Variants in PFKP observed in about 807,000 individuals in gnomAD.
The protein encoded by PFKP is phosphofructokinase, platelet.
Under a neutral mutation model 94.3 loss-of-function variants are expected in PFKP, and 101 were observed. The observed-to-expected ratio is 1.07, with a 90% confidence interval of 0.91 to 1.26. The LOEUF (loss-of-function observed/expected upper bound fraction) is 1.26. Among genes scored for constraint, PFKP ranks in the 50% most tolerant of loss-of-function variants. The pLI is 0.00. For synonymous variants in PFKP, 573 were observed against 432.6 expected, an observed-to-expected ratio of 1.32 and a Z score of -4.03; for missense variants, 1,145 against 1,103.3, an observed-to-expected ratio of 1.04 and a Z score of -0.53.
intron 2 of PFKP, among the ~76,000 whole-genome samples, chr10:3,082,872 C>CAGCT (rs1358383426): frequency 1.3e-5 from 2 of 152,164 alleles, no homozygotes; most frequent in African/African-American, 4.8e-5. Context: ...CCACCACACC[C>CAGCT]AGCTAATTTT....
chr10:3,111,775 C>T (rs1043365579), intron 10 of PFKP, among the ~76,000 whole-genome samples: 1 of 152,140 alleles, frequency 6.6e-6, no homozygotes, highest in South Asian at 2.1e-4. Context: ...TCTGCTCCCC[C>T]GCCCGCTGTG....
Position 3,099,331 on chromosome 10 carries a change from T to C in PFKP, c.243T>C (p.Ser81=), listed in dbSNP as rs746887639. The change falls in exon 3 of 22, where the codon AGT becomes AGC. Residue 81 remains serine, a synonymous_variant. Coordinates refer to ENST00000381125, the MANE Select transcript of PFKP (RefSeq NM_002627.5). ...GSNIAEADWE[S]VSSILQVGGT... is the part of the protein sequence containing the mutation. ...ACATCGCAGAGGCCGACTGGGAGAG[T>C]GTCTCCAGCATCCTGCAAGTGGTAG... The C allele has an allele frequency of 4.3e-6, 7 of 1,613,828 alleles. No homozygotes were observed. The highest frequency in any genetic ancestry group is 1.7e-5 in the Admixed American group (1 of 59,994).
chr10:3,112,341 C>T (rs1053171975), intron 11 of PFKP, 55 bp downstream of exon 11: 14 of 1,342,084 alleles, frequency 1.0e-5, no homozygotes, highest in South Asian at 3.5e-5. Flanking sequence ...CCCTCAGGCC[C>T]AGCCACTGCA....
chr10:3,069,207 C>T (rs535545849), intron 1 of PFKP: 2 of 1,296,518 alleles, frequency 1.5e-6, no homozygotes, highest in South Asian at 2.4e-5. Context: ...CCCTGCAGCG[C>T]CCCCGGGAAG....
At chr10:3,120,369 CTGTGTGTG>C (rs3841457) in intron 16 of PFKP, among the ~76,000 whole-genome samples, 15 of 108,584 alleles carry the variant, frequency 1.4e-4, no homozygotes, top group Admixed American at 4.1e-4. Flanking sequence ...TTAAAAATCG[CTGTGTGTG>C]TGTGTGTGTG....
At chr10:3,135,893 G>A in intron 21 of PFKP, 55 bp downstream of exon 21, 1 of 1,023,432 alleles carries the variant, frequency 9.8e-7, no homozygotes, top group South Asian at 1.3e-5. Flanking sequence ...TACGGGACAG[G>A]GGAATGGCCA....
chr10:3,117,480 T>A (rs1038500899), intron 14 of PFKP, among the ~76,000 whole-genome samples: 2 of 152,180 alleles, frequency 1.3e-5, no homozygotes, highest in Non-Finnish European at 2.9e-5. Context: ...GGAAGGTAGT[T>A]TTTGGCAAAT....
At chr10:3,116,911 G>A in intron 14 of PFKP, 65 bp downstream of exon 14, 3 of 1,274,484 alleles carry the variant, frequency 2.4e-6, no homozygotes, top group Non-Finnish European at 3.4e-6. Flanking sequence ...TGTTCTGGGA[G>A]AGAATCGCTG....
rs752701796 is a variant in PFKP at position 3,082,410 on chromosome 10, C to T, written c.135C>T (p.Ala45=). ...CAGGTATGAACGCTGCCGTCCGTGCCGTGGTGCGCATGGGTATCTACGTGG... is the reference window on the plus strand; with the variant it reads ...CAGGTATGAACGCTGCCGTCCGTGCTGTGGTGCGCATGGGTATCTACGTGG... ...DAQGMNAAVR[A]VVRMGIYVGA... The change falls in exon 2 of 22, where the codon GCC becomes GCT. Residue 45 remains alanine, a synonymous_variant. Coordinates refer to ENST00000381125, the MANE Select transcript of PFKP (RefSeq NM_002627.5). 2.1e-5 allele frequency: 33 copies of T among 1,606,662 alleles called. No individual in the cohort carries two copies. Among genetic ancestry groups the T allele is most frequent in the Non-Finnish European group, 2.3e-5 (27 of 1,175,254 alleles).
chr10:3,101,677 T>A lies in PFKP; in HGVS notation c.454+123T>A, dbSNP rs76842051. ...TTCTCACAGATCTTACAGGTCACCA[T>A]CTCAGGACTTTTTAGGATCTCAAAA... is the stretch of plus-strand genomic sequence containing the variant. On this transcript the variant is annotated intron_variant, in intron 4 of 21. Coordinates refer to ENST00000381125, the MANE Select transcript of PFKP (RefSeq NM_002627.5). 5.7e-3 allele frequency: 3,716 copies of A among 648,912 alleles called. 37 individuals carry two copies. Among genetic ancestry groups the A allele is most frequent in the Middle Eastern group, 0.021 (48 of 2,278 alleles). The allele number at this position is 648,912 out of a possible 1,614,324, so 40.2% of individuals were successfully genotyped here. A position where few individuals can be genotyped will look rare whatever the true frequency, so the allele number is the denominator to read the frequency against.
intron 2 of PFKP, among the ~76,000 whole-genome samples, chr10:3,088,666 A>T (rs1833816643): frequency 6.6e-6 from 1 of 152,202 alleles, no homozygotes; most frequent in Non-Finnish European, 1.5e-5. Context: ...TTATGGATAC[A>T]TAATAGTTGT....
chr10:3,110,651 C>A (rs965337752), intron 10 of PFKP, among the ~76,000 whole-genome samples: 4 of 151,890 alleles, frequency 2.6e-5, no homozygotes, highest in Admixed American at 1.3e-4. Context: ...TTCCAAAAGC[C>A]CAAGGGAGAA....
intron 20 of PFKP, 55 bp from the exon 21 acceptor site, chr10:3,135,681 C>T (rs1384176209): frequency 2.0e-5 from 21 of 1,069,520 alleles, no homozygotes; most frequent in Non-Finnish European, 3.0e-5. Flanking sequence ...GATTCTGCTC[C>T]CCCACCTGCC....
chr10:3,100,811 T>C lies in PFKP; in HGVS notation c.265-554T>C, dbSNP rs1588461670. ...TCCCCTGGAAGTTTGGATGAAAGAA[T>C]TTAAGATCCTGAAGATATAGCTCTT... On this transcript the variant is annotated intron_variant, in intron 3 of 21. Transcript: ENST00000381125. 40 of 613,528 alleles carry C rather than the reference T, an allele frequency of 6.5e-5. No homozygotes were observed. The East Asian group carries it at 1.1e-3, about 16-fold the overall frequency. 38.0% of individuals were successfully genotyped at this position (613,528 alleles called of 1,614,324 possible).
intron 13 of PFKP, 45 bp downstream of exon 13, chr10:3,113,563 G>T (rs745660262): frequency 8.2e-6 from 13 of 1,579,878 alleles, no homozygotes; most frequent in Non-Finnish European, 1.0e-5. Context: ...CCCTGGCTGT[G>T]AGCACAGTGG....
At chr10:3,101,973 C>G (rs1048201179) in intron 4 of PFKP, among the ~76,000 whole-genome samples, 2 of 152,072 alleles carry the variant, frequency 1.3e-5, no homozygotes, top group African/African-American at 2.4e-5. Flanking sequence ...GAAGTTGGGC[C>G]GGGCGCGGTG....
chr10:3,084,899 CA>C (rs1224309176), intron 2 of PFKP, among the ~76,000 whole-genome samples: 1 of 109,088 alleles, frequency 9.2e-6, no homozygotes. Context: ...TCCCCCACTC[CA>C]CTCTCCAGCA....
At chr10:3,130,091 G>A (rs1838405361) in intron 17 of PFKP, 108 bp downstream of exon 17, 2 of 995,282 alleles carry the variant, frequency 2.0e-6, no homozygotes, top group African/African-American at 3.3e-5. Context: ...CATGGAGATG[G>A]AGATGCTACA....
chr10:3,112,587 T>C (rs1393826289), intron 11 of PFKP, among the ~76,000 whole-genome samples: 1 of 152,196 alleles, frequency 6.6e-6, no homozygotes, highest in Non-Finnish European at 1.5e-5. Context: ...AAAAGGAGTC[T>C]CCTTCTGTTG....
Sources: allele counts gnomAD v4.1 joint callset (sites outside exome capture counted in the v4.1 genomes callset), GRCh38; gene constraint gnomAD v4.1.1; transcripts MANE v1.5; gene names NCBI Gene and HGNC (gene_info 2026-07-23, HGNC 2026-07-21).